Variants in TRMT11 observed in about 807,000 individuals in gnomAD.
TRMT11 encodes the protein tRNA (guanine(10)-N(2))-methyltransferase TRMT11.
In TRMT11, 53 loss-of-function variants were observed where a neutral mutation model predicts 62.8. The ratio of observed to expected loss-of-function variants is 0.84; its 90% CI spans 0.68 to 1.06. The LOEUF (loss-of-function observed/expected upper bound fraction) is 1.06, where lower values mean the gene tolerates loss of function less well. TRMT11 is among the 50% of genes least tolerant of loss of function. The probability of loss-of-function intolerance (pLI) is 0.00; values close to 1 mark genes in which losing one functional copy is unlikely to be tolerated. For missense variants in TRMT11, 556 were observed against 553.4 expected, an observed-to-expected ratio of 1.00 and a Z score of -0.05; for synonymous variants, 188 against 190.3, an observed-to-expected ratio of 0.99 and a Z score of 0.10.
rs1225892553 is a variant in TRMT11 at position 125,996,000 on chromosome 6, G to T, written c.172G>T (p.Asp58Tyr). 1 of 1,612,468 alleles carries T rather than the reference G, an allele frequency of 6.2e-7. No homozygotes were observed. The change falls in exon 3 of 13, where the codon GAT (aspartate) becomes TAT (tyrosine). Residue 58 changes from aspartate (D) to tyrosine (Y), a missense_variant. Coordinates refer to ENST00000334379, the MANE Select transcript of TRMT11 (RefSeq NM_001031712.3). Reference sequence around the variant, plus strand: ...TTGGATTCTTAGCATTCCCTCTGAAGATATTGCAAGAAATTTGATGAAACG... The same window carrying T: ...TTGGATTCTTAGCATTCCCTCTGAATATATTGCAAGAAATTTGATGAAACG... ...PFWILSIPSE[D>Y]IARNLMKRTV...
At chr6:126,156,821 C>A (rs907947283) in intron 21 of TRMT11, among the ~76,000 whole-genome samples, 2 of 152,242 alleles carry the variant, frequency 1.3e-5, no homozygotes, top group Non-Finnish European at 1.5e-5. Context: ...GAGAGATCTG[C>A]CCCCAGGATC....
chr6:126,225,725 G>T, the TRMT11 span, among the ~76,000 whole-genome samples: 38 of 135,116 alleles, frequency 2.8e-4, no homozygotes, highest in Admixed American at 5.3e-4. Flanking sequence ...TGGAGTCTTG[G>T]TCTGTCCCAG....
intron 12 of TRMT11, among the ~76,000 whole-genome samples, chr6:126,037,478 T>C (rs181464397): frequency 1.3e-5 from 2 of 152,224 alleles, no homozygotes; most frequent in East Asian, 3.9e-4. Flanking sequence ...AAGTTATTAA[T>C]AGTAACCTTT....
chr6:126,058,945 G>A (rs1039580099), intron 17 of TRMT11, among the ~76,000 whole-genome samples: 15 of 152,220 alleles, frequency 9.9e-5, no homozygotes, highest in African/African-American at 2.9e-4. Flanking sequence ...GAGAGGCCTA[G>A]GAGCCTGCCT....
intron 17 of TRMT11, among the ~76,000 whole-genome samples, chr6:126,059,674 A>G (rs912002373): frequency 6.6e-6 from 1 of 152,342 alleles, no homozygotes; most frequent in East Asian, 1.9e-4. Flanking sequence ...AGCTTAAGCA[A>G]CTTGAGGTGT....
Position 126,005,439 on chromosome 6 carries a change from T to C in TRMT11, c.680-2953T>C, listed in dbSNP as rs937482153. On this transcript the variant is annotated intron_variant, in intron 7 of 12. Transcript: ENST00000334379. ...ATCATTTGTAAAATGGTAATACTAATATATTGTGAGGATTAAGTGAGGCAA... is the reference window on the plus strand; with the variant it reads ...ATCATTTGTAAAATGGTAATACTAACATATTGTGAGGATTAAGTGAGGCAA... Among the ~76,000 whole-genome samples, 25 of 152,072 alleles carry C rather than the reference T, an allele frequency of 1.6e-4. 1 individual carries two copies. The highest frequency in any genetic ancestry group is 4.4e-5 in the Non-Finnish European group (3 of 67,964).
chr6:126,247,683 A>G, the TRMT11 span, among the ~76,000 whole-genome samples: 2 of 151,224 alleles, frequency 1.3e-5, 1 homozygote, highest in African/African-American at 4.8e-5. Flanking sequence ...GTGCTGGGAT[A>G]AAACCTGATG....
intron 11 of TRMT11, among the ~76,000 whole-genome samples, chr6:126,015,084 A>T (rs1401402990): frequency 1.6e-4 from 2 of 12,574 alleles, no homozygotes; most frequent in Non-Finnish European, 2.3e-4. Context: ...GGGCTAAAAT[A>T]AAAAAAAAAA....
chr6:126,185,570 TA>T (rs1379014050), intron 1 of TRMT11, among the ~76,000 whole-genome samples: 1 of 152,222 alleles, frequency 6.6e-6, no homozygotes, highest in Non-Finnish European at 1.5e-5. Context: ...TTTTTCTATC[TA>T]ATGTTCTTCT....
the TRMT11 span, among the ~76,000 whole-genome samples, chr6:126,239,096 T>C: frequency 6.6e-6 from 1 of 152,192 alleles, no homozygotes; most frequent in South Asian, 2.1e-4. Flanking sequence ...ATTTTGAGCC[T>C]ATGTGTGTCT....
rs543396809 is a variant in TRMT11, at chr6:126,063,920, A to G, written c.*1437+10730A>G. The stretch of plus-strand genomic sequence containing the variant: ...TCTAGGAGCAAGAGTGAGGCATGGG[A>G]TGTTGGATCAAAACAGGGAAGTGGG... On this transcript the variant is annotated intron_variant and NMD_transcript_variant, in intron 17 of 22. Transcript: ENST00000648977. 8.9e-4 allele frequency among the ~76,000 whole-genome samples: 136 copies of G among 152,240 alleles called. 1 individual carries two copies. Among genetic ancestry groups the G allele is most frequent in the Non-Finnish European group, 8.8e-5 (6 of 68,002 alleles).
chr6:126,008,875 G>T, intron 8 of TRMT11: 6 of 339,608 alleles, frequency 1.8e-5, no homozygotes, highest in East Asian at 7.3e-5. Context: ...GTTTTATATG[G>T]CATTATTTTA....
the TRMT11 span, among the ~76,000 whole-genome samples, chr6:126,231,976 G>A: frequency 2.0e-5 from 3 of 152,102 alleles, no homozygotes; most frequent in African/African-American, 4.8e-5. Context: ...GCAATGATAT[G>A]ACTTTAGTTA....
the TRMT11 span, among the ~76,000 whole-genome samples, chr6:126,261,643 A>T: frequency 3.3e-5 from 5 of 151,962 alleles, no homozygotes; most frequent in Non-Finnish European, 5.9e-5. Context: ...CGGTGCATTG[A>T]CTTTGGTTTT....
At chr6:126,241,195 C>T in the TRMT11 span, among the ~76,000 whole-genome samples, 18 of 152,190 alleles carry the variant, frequency 1.2e-4, no homozygotes, top group Admixed American at 3.3e-4. Flanking sequence ...GGCTCATGCT[C>T]GGTGTGCTGC....
At chr6:126,192,619 T>G (rs1434244020) in intron 1 of TRMT11, among the ~76,000 whole-genome samples, 1 of 152,168 alleles carries the variant, frequency 6.6e-6, no homozygotes, top group African/African-American at 2.4e-5. Flanking sequence ...ATGCTCCTTT[T>G]ATATCCAATT....
the TRMT11 span, among the ~76,000 whole-genome samples, chr6:126,223,917 C>T: frequency 6.6e-6 from 1 of 152,160 alleles, no homozygotes; most frequent in Non-Finnish European, 1.5e-5. Flanking sequence ...ATTCTTTCCT[C>T]AGCTTTGTCT....
At chr6:126,195,624 C>T (rs1419483788) in intron 1 of TRMT11, among the ~76,000 whole-genome samples, 1 of 152,170 alleles carries the variant, frequency 6.6e-6, no homozygotes, top group African/African-American at 2.4e-5. Context: ...CTTACAGAAT[C>T]TCAAGTATGT....
intron 1 of TRMT11, among the ~76,000 whole-genome samples, chr6:126,192,200 T>C (rs1204446453): frequency 6.6e-6 from 1 of 152,158 alleles, no homozygotes; most frequent in East Asian, 1.9e-4. Flanking sequence ...GTATTTTTTA[T>C]AGCTATCACA....
Sources: gnomAD v4.1 joint callset for allele counts (sites outside exome capture counted in the v4.1 genomes callset) on GRCh38, gnomAD v4.1.1 for gene constraint, MANE v1.5 for transcripts, NCBI Gene and HGNC (gene_info 2026-07-23, HGNC 2026-07-21) for gene names.